ZNF695: variants seen among roughly 807,000 people sequenced by gnomAD.
ZNF695 encodes the protein zinc finger protein 695, also known as zinc finger protein SBZF3.
In ZNF695, 11 loss-of-function variants were observed where a neutral mutation model predicts 11.2. The observed-to-expected ratio is 0.98, with a 90% CI of 0.62 to 1.62. The LOEUF (loss-of-function observed/expected upper bound fraction) is 1.62, where lower values mean the gene tolerates loss of function less well. ZNF695 is among the 40% of genes most tolerant of loss of function. The probability of loss-of-function intolerance (pLI) is 0.00; values close to 1 mark genes in which losing one functional copy is unlikely to be tolerated. For synonymous variants in ZNF695, 190 were observed against 201.4 expected (o/e 0.94, Z 0.48); for missense variants, 559 against 590.5 (o/e 0.95, Z 0.55).
chr1:246,990,197 G>A (rs1668988349), intron 3 of ZNF695, among the ~76,000 whole-genome samples: 1 of 150,528 alleles, frequency 6.6e-6, no homozygotes, highest in African/African-American at 2.4e-5. Context: ...AAGGAAAAGA[G>A]AAAGAGAGAG....
intron 3 of ZNF695, among the ~76,000 whole-genome samples, chr1:246,988,698 A>G (rs1668930363): frequency 6.6e-6 from 1 of 152,232 alleles, no homozygotes; most frequent in Non-Finnish European, 1.5e-5. Flanking sequence ...TGATAAAAGG[A>G]GTACTTCAAT....
chr1:246,994,709 C>A (rs1207875922), intron 3 of ZNF695, among the ~76,000 whole-genome samples: 1 of 151,704 alleles, frequency 6.6e-6, no homozygotes, highest in African/African-American at 2.4e-5. Context: ...TGGTGGAGGG[C>A]GTCTGTAGTC....
chr1:246,990,738 C>CA (rs1161960812), intron 3 of ZNF695, among the ~76,000 whole-genome samples: 1 of 152,022 alleles, frequency 6.6e-6, no homozygotes, highest in Admixed American at 6.6e-5. Context: ...TTAAAGCATC[C>CA]AAAAAATGGA....
At chr1:247,002,584 G>A (rs888005736) in intron 1 of ZNF695, among the ~76,000 whole-genome samples, 4 of 152,168 alleles carry the variant, frequency 2.6e-5, no homozygotes, top group African/African-American at 4.8e-5. Context: ...TCAGGAGTTC[G>A]AGACCGGCCT....
At chr1:246,964,971 CG>C (rs1361182316) in intron 5 of ZNF695, among the ~76,000 whole-genome samples, 1 of 152,174 alleles carries the variant, frequency 6.6e-6, no homozygotes, top group East Asian at 1.9e-4. Context: ...GTGATTGGGT[CG>C]TGGGGCTCTG....
At chr1:246,970,778 G>A (rs938394065) in intron 4 of ZNF695, among the ~76,000 whole-genome samples, 2 of 152,208 alleles carry the variant, frequency 1.3e-5, no homozygotes, top group Non-Finnish European at 2.9e-5. Flanking sequence ...GTTTGTTTTT[G>A]TGTTTTGAGA....
intron 5 of ZNF695, among the ~76,000 whole-genome samples, chr1:246,950,369 G>T (rs1352459289): frequency 2.6e-5 from 4 of 152,048 alleles, no homozygotes; most frequent in Non-Finnish European, 5.9e-5. Flanking sequence ...ATCCACCCAG[G>T]CCAGGGGTGG....
chr1:246,987,787 T>C lies in ZNF695; in HGVS notation c.728A>G (p.Glu243Gly), dbSNP rs1240579032. 1 of 1,605,774 alleles carries C rather than the reference T, an allele frequency of 6.2e-7. No individual in the cohort carries two copies. Among genetic ancestry groups the C allele is most frequent in the Non-Finnish European group, 8.5e-7 (1 of 1,177,676 alleles). Reference sequence around the variant, plus strand: ...AGACTTAAAAATGTTATTACATTCTTCACATTTGCAATGTTTCTCTCCAAC... The same window carrying C: ...AGACTTAAAAATGTTATTACATTCTCCACATTTGCAATGTTTCTCTCCAAC... ...IHVGEKHCKCEECNNIFKSCS... is the reference protein window; with the variant it reads ...IHVGEKHCKCGECNNIFKSCS... Residue 243 changes from glutamate to glycine, a missense_variant, in exon 4 of 4, where the codon GAA becomes GGA. Physicochemically the swap from Glu to Gly is moderately conservative, Grantham distance 98. Transcript: ENST00000339986.
chr1:246,951,369 A>G (rs1319969585), intron 5 of ZNF695, among the ~76,000 whole-genome samples: 1 of 152,138 alleles, frequency 6.6e-6, no homozygotes, highest in Non-Finnish European at 1.5e-5. Flanking sequence ...CACGGAGGGG[A>G]GATGGCCACG....
At position 246,986,721 on chromosome 1, in the gene ZNF695, G is replaced by A; in HGVS notation, c.*246C>T. 1 of 1,176,898 alleles carries A rather than the reference G, an allele frequency of 8.5e-7. No individual in the cohort carries two copies. Among genetic ancestry groups the A allele is most frequent in the Non-Finnish European group, 1.1e-6 (1 of 951,492 alleles). 72.9% of individuals were successfully genotyped at this position (1,176,898 alleles called of 1,614,324 possible). A position where few individuals can be genotyped will look rare whatever the true frequency, so the allele number is the denominator to read the frequency against. ...TGAATACAGTTTGAGCAACTGGAGGGTTTCCCTCCAGTATAAATTCTTCTG... is the reference window on the plus strand; with the variant it reads ...TGAATACAGTTTGAGCAACTGGAGGATTTCCCTCCAGTATAAATTCTTCTG... On this transcript the variant is annotated 3_prime_UTR_variant, in exon 4 of 4. Transcript: ENST00000339986.
chr1:246,981,319 G>A (rs1295018714), downstream of ZNF695, among the ~76,000 whole-genome samples: 2 of 152,096 alleles, frequency 1.3e-5, no homozygotes, highest in Non-Finnish European at 2.9e-5. Flanking sequence ...ACAGTATGAT[G>A]ATTTCCGCAA....
Position 246,948,092 on chromosome 1 carries a change from G to A in ZNF695, c.489-2265C>T, listed in dbSNP as rs144525902. Among the ~76,000 whole-genome samples, 38 of 151,904 alleles carry A rather than the reference G, an allele frequency of 2.5e-4. 1 individual carries two copies. Among genetic ancestry groups the A allele is most frequent in the Admixed American group, 1.2e-3 (18 of 15,240 alleles). Reference sequence around the variant, plus strand: ...ACCTTTTCTTTTTCTTTTCTTTTTTGAGACAGGATCTTACCCTGTCACTCA... The same window carrying A: ...ACCTTTTCTTTTTCTTTTCTTTTTTAAGACAGGATCTTACCCTGTCACTCA... On this transcript the variant is annotated intron_variant, in intron 5 of 5. Transcript: ENST00000487338.
In ZNF695 at chr1:246,987,118, C is replaced by T; in HGVS notation, c.1397G>A (p.Cys466Tyr). 6.2e-7 allele frequency: 1 copy of T among 1,614,072 alleles called. No individual in the cohort carries two copies. The highest frequency in any genetic ancestry group is 8.5e-7 in the Non-Finnish European group (1 of 1,180,020). ...GCCAAAGGCTTTGCCACATTCTTCA[C>T]ATTTGTAGGGTTTCTCTCCAGTATG... ...RIHTGEKPYK[C>Y]EECGKAFGQS... The change falls in exon 4 of 4, where the codon TGT becomes TAT. Residue 466 changes from cysteine (C) to tyrosine (Y), a missense_variant. Transcript: ENST00000339986.
Position 246,988,131 on chromosome 1 carries a change from C to T in ZNF695, c.384G>A (p.Trp128Ter), listed in dbSNP as rs34327828. Residue 128 changes from tryptophan to a stop codon, truncating the protein, a stop_gained, in exon 4 of 4, where the codon TGG becomes TGA. Transcript: ENST00000339986. LOFTEE classifies it low-confidence loss of function (END_TRUNC). ...GCCCTTTCCACTCACCCACAATTTC[C>T]CAGTCATTCCTTAAGCGTAATTTCT... ...CLEKLRLRND[W>*]EIVGEWKGQK... is the part of the protein sequence containing the mutation. 1.4e-4 allele frequency: 220 copies of T among 1,613,750 alleles called. No homozygotes were observed. The highest frequency in any genetic ancestry group is 1.6e-4 in the Non-Finnish European group (188 of 1,179,854).
chr1:246,983,535 T>C (rs56767364), downstream of ZNF695, among the ~76,000 whole-genome samples: 5,895 of 151,394 alleles, frequency 0.039, 381 homozygotes, highest in African/African-American at 0.13. Flanking sequence ...AGTCAATCTA[T>C]TGGCTGGGCG....
At position 246,986,119 on chromosome 1, in the gene ZNF695, G is replaced by A. The variant is rs894838357; in HGVS notation, c.*848C>T. 2 of 888,022 alleles carry A rather than the reference G, an allele frequency of 2.3e-6. No individual in the cohort carries two copies. The highest frequency in any genetic ancestry group is 2.7e-6 in the Non-Finnish European group (2 of 741,338). The allele number at this position is 888,022 out of a possible 1,614,324, so 55.0% of individuals were successfully genotyped here. A position where few individuals can be genotyped will look rare whatever the true frequency, so the allele number is the denominator to read the frequency against. Reference sequence around the variant, plus strand: ...GGGTCTTGCTCTGTTGCCCAGGCAGGAGTGAAGTTGCCAGATAGCAGCTCA... The same window carrying A: ...GGGTCTTGCTCTGTTGCCCAGGCAGAAGTGAAGTTGCCAGATAGCAGCTCA... On this transcript the variant is annotated 3_prime_UTR_variant, in exon 4 of 4. Coordinates refer to ENST00000339986, the MANE Select transcript of ZNF695 (RefSeq NM_020394.5).
chr1:246,987,562 T>G lies in ZNF695; in HGVS notation c.953A>C (p.His318Pro). The G allele has an allele frequency of 6.3e-7, 1 of 1,598,302 alleles. No individual in the cohort carries two copies. The highest frequency in any genetic ancestry group is 1.3e-5 in the African/African-American group (1 of 74,266). The change falls in exon 4 of 4, where the codon CAT (histidine) becomes CCT (proline). Residue 318 changes from histidine to proline, a missense_variant. Physicochemically the swap from His to Pro is moderately conservative, Grantham distance 77. Coordinates refer to ENST00000339986, the MANE Select transcript of ZNF695 (RefSeq NM_020394.5). ...FPYLTQHKRI[H>P]SREKPYKCEE... ...ACACTTGTAGGGTTTCTCTCTACTA[T>G]GAATTCTCTTGTGTTGAGTAAGGTA...
chr1:246,980,492 C>A (rs1199282968), downstream of ZNF695, among the ~76,000 whole-genome samples: 1 of 150,182 alleles, frequency 6.7e-6, no homozygotes, highest in Non-Finnish European at 1.5e-5. Flanking sequence ...TCTCAGTACA[C>A]TGCAATTTCC....
chr1:246,958,349 C>T (rs571758709), intron 5 of ZNF695, among the ~76,000 whole-genome samples: 3 of 152,262 alleles, frequency 2.0e-5, no homozygotes, highest in South Asian at 2.1e-4. Context: ...TGAGCCACTG[C>T]ACCCAGCCGG....
Sources: gnomAD v4.1 joint callset for allele counts (sites outside exome capture counted in the v4.1 genomes callset) on GRCh38, gnomAD v4.1.1 for gene constraint, MANE v1.5 for transcripts, NCBI Gene and HGNC (gene_info 2026-07-23, HGNC 2026-07-21) for gene names.